Variants in PAX2 observed in about 807,000 individuals in gnomAD.
The protein encoded by PAX2 is paired box 2.
Under a neutral mutation model 41.7 loss-of-function variants are expected in PAX2, and 9 were observed. That is an observed-to-expected ratio of 0.22 (90% CI 0.13 to 0.38). The LOEUF is 0.38. Ranked by LOEUF, PAX2 falls within the 10% of genes least tolerant of loss-of-function variation. The pLI is 1.00. For synonymous variants in PAX2, 221 were observed against 212.7 expected (o/e 1.04, Z -0.34); for missense variants, 418 against 531.6 (o/e 0.79, Z 2.10).
chr10:100,806,691 G>A, intron 6 of PAX2, 86 bp downstream of exon 6: 2 of 1,083,636 alleles, frequency 1.8e-6, no homozygotes, highest in Non-Finnish European at 2.8e-6. Flanking sequence ...AACACCACAT[G>A]CATAGCCAGC....
Position 100,829,777 on chromosome 10 carries a change from G to A in PAX2, c.*2158G>A, listed in dbSNP as rs1848724993. ...CATCCCAGTCCTGTGGGGCTGGCCG[G>A]GCAGAGACCCCGGACCCAGGCCCAG... On this transcript the variant is annotated 3_prime_UTR_variant, in exon 10 of 10. Coordinates refer to ENST00000355243, the MANE Select transcript of PAX2 (RefSeq NM_000278.5). 2 of 205,906 alleles carry A rather than the reference G, an allele frequency of 9.7e-6. No homozygotes were observed. Among genetic ancestry groups the A allele is most frequent in the East Asian group, 1.4e-4 (2 of 14,084 alleles). 12.8% of individuals were successfully genotyped at this position (205,906 alleles called of 1,614,324 possible). A position where few individuals can be genotyped will look rare whatever the true frequency, so the allele number is the denominator to read the frequency against.
At chr10:100,744,337 G>A (rs567563307), upstream of PAX2, among the ~76,000 whole-genome samples, 1 of 152,364 alleles carries the variant, frequency 6.6e-6, no homozygotes, top group African/African-American at 2.4e-5. Flanking sequence ...AGGAGGGAGA[G>A]AGAGTTAAAA....
intron 4 of PAX2, among the ~76,000 whole-genome samples, chr10:100,780,841 T>C (rs1025750097): frequency 6.6e-6 from 1 of 152,128 alleles, no homozygotes; most frequent in Non-Finnish European, 1.5e-5. Context: ...AGGGATTGGA[T>C]GAGCTGTGCA....
intron 5 of PAX2, among the ~76,000 whole-genome samples, chr10:100,804,590 T>C (rs1329219146): frequency 1.3e-5 from 2 of 151,798 alleles, no homozygotes; most frequent in South Asian, 2.1e-4. Flanking sequence ...AAAAAAGAAG[T>C]AGGCACAGGA....
intron 5 of PAX2, 102 bp from the exon 6 acceptor site, chr10:100,806,328 A>G: frequency 8.2e-7 from 1 of 1,222,524 alleles, no homozygotes; most frequent in Non-Finnish European, 1.2e-6. Flanking sequence ...AGGGGTGCAG[A>G]GCTCCTGGGC....
intron 3 of PAX2, among the ~76,000 whole-genome samples, chr10:100,767,096 G>A (rs58481565): frequency 0.011 from 1,719 of 152,150 alleles, 31 homozygotes; most frequent in African/African-American, 0.039. Flanking sequence ...AATAATACAC[G>A]GTAATGCACA....
chr10:100,746,230 G>C lies in PAX2; in HGVS notation c.-31G>C, dbSNP rs1359941837. On this transcript the variant is annotated 5_prime_UTR_variant, in exon 1 of 10. Coordinates refer to ENST00000355243, the MANE Select transcript of PAX2 (RefSeq NM_000278.5). ...GTTTGAGAGGCGACACGGCGGCGGC[G>C]GCCGCGCTGCTCCCGCTCCTCTGCC... 1.9e-6 allele frequency: 3 copies of C among 1,613,090 alleles called. No homozygotes were observed. Among genetic ancestry groups the C allele is most frequent in the African/African-American group, 1.3e-5 (1 of 74,850 alleles).
intron 3 of PAX2, among the ~76,000 whole-genome samples, chr10:100,756,734 C>T (rs540852790): frequency 6.6e-6 from 1 of 152,306 alleles, no homozygotes; most frequent in South Asian, 2.1e-4. Flanking sequence ...CACTTCCTGT[C>T]CTTTAAAAGA....
intron 3 of PAX2, among the ~76,000 whole-genome samples, chr10:100,776,595 C>T (rs1321238437): frequency 6.6e-6 from 1 of 152,210 alleles, no homozygotes; most frequent in Non-Finnish European, 1.5e-5. Context: ...CACTCCTTTC[C>T]CCGGTCCCTG....
Position 100,745,798 on chromosome 10 carries a change from G to A in PAX2, c.-463G>A, listed in dbSNP as rs1320916922. On this transcript the variant is annotated 5_prime_UTR_variant, in exon 1 of 10. Transcript: ENST00000355243. ...ACTTCTCTGCCAACTTCGCCAACTC[G>A]CCAGCACTTGGAGAGGCCCGGCTCC... is the stretch of plus-strand genomic sequence containing the variant. 4 of 1,069,462 alleles carry A rather than the reference G, an allele frequency of 3.7e-6. No individual in the cohort carries two copies. The highest frequency in any genetic ancestry group is 1.1e-4 in the Admixed American group (2 of 18,396). 66.2% of individuals were successfully genotyped at this position (1,069,462 alleles called of 1,614,324 possible).
At chr10:100,786,955 C>G (rs1157034768) in intron 5 of PAX2, 12 of 1,388,768 alleles carry the variant, frequency 8.6e-6, no homozygotes, top group African/African-American at 1.5e-5. Context: ...GAGGTATACA[C>G]TGATCCTGCC....
chr10:100,773,911 C>G (rs566688170), intron 3 of PAX2, among the ~76,000 whole-genome samples: 1 of 152,304 alleles, frequency 6.6e-6, no homozygotes, highest in South Asian at 2.1e-4. Flanking sequence ...GCCTGCACCC[C>G]AGCCTTGCCT....
chr10:100,747,617 G>A (rs1482608501), intron 1 of PAX2: 2 of 985,026 alleles, frequency 2.0e-6, no homozygotes, highest in South Asian at 4.7e-5. Context: ...GAGAGCCGAG[G>A]AGGGAGAGCT....
chr10:100,754,738 T>A (rs1034678994), intron 3 of PAX2, among the ~76,000 whole-genome samples: 1 of 152,214 alleles, frequency 6.6e-6, no homozygotes, highest in African/African-American at 2.4e-5. Context: ...GTTGAAGATA[T>A]GTTCCGGGCT....
Position 100,749,207 on chromosome 10 carries a change from A to AG in PAX2, c.44-533dup, listed in dbSNP as rs556366305. ...TTTTTAAAGAAGAGGCAGAGAGCAAAGGGGGGTGTGTGTGTCAGGCACTTA... is the reference window on the plus strand; with the variant it reads ...TTTTTAAAGAAGAGGCAGAGAGCAAAGGGGGGGTGTGTGTGTCAGGCACTTA... On this transcript the variant is annotated intron_variant, in intron 1 of 9. Transcript: ENST00000355243. 1.6e-3 allele frequency: 1,536 copies of AG among 988,736 alleles called. 5 individuals carry two copies. Among genetic ancestry groups the AG allele is most frequent in the South Asian group, 0.014 (297 of 21,320 alleles). The allele number at this position is 988,736 out of a possible 1,614,324, so 61.2% of individuals were successfully genotyped here. A position where few individuals can be genotyped will look rare whatever the true frequency, so the allele number is the denominator to read the frequency against.
intron 3 of PAX2, among the ~76,000 whole-genome samples, chr10:100,768,137 T>A (rs910119402): frequency 2.6e-5 from 4 of 151,836 alleles, no homozygotes; most frequent in African/African-American, 9.7e-5. Context: ...AAGGGAACAA[T>A]GATGGTGTAG....
chr10:100,752,910 G>A (rs150466323), intron 3 of PAX2, among the ~76,000 whole-genome samples: 1 of 152,336 alleles, frequency 6.6e-6, no homozygotes, highest in African/African-American at 2.4e-5. Context: ...CAGAGGTCTT[G>A]AGGTGCACCC....
intron 7 of PAX2, among the ~76,000 whole-genome samples, chr10:100,819,184 G>A (rs1848291517): frequency 6.6e-6 from 1 of 151,638 alleles, no homozygotes; most frequent in African/African-American, 2.4e-5. Context: ...GGAGGCAGAG[G>A]TTGCAGTGAG....
At chr10:100,822,433 A>G (rs1286934086) in intron 7 of PAX2, among the ~76,000 whole-genome samples, 1 of 152,186 alleles carries the variant, frequency 6.6e-6, no homozygotes, top group Non-Finnish European at 1.5e-5. Context: ...ACCCATCAGG[A>G]ATTGGCTGTT....
Sources: allele counts gnomAD v4.1 joint callset (sites outside exome capture counted in the v4.1 genomes callset), GRCh38; gene constraint gnomAD v4.1.1; transcripts MANE v1.5; gene names NCBI Gene and HGNC (gene_info 2026-07-23, HGNC 2026-07-21).